TBC1D5: variants seen among roughly 807,000 people sequenced by gnomAD.
TBC1D5 encodes the protein TBC1 domain family member 5, also known as TBC1 domain family, member 5.
In TBC1D5, 75 loss-of-function variants were observed where a neutral mutation model predicts 100.3. The ratio of observed to expected loss-of-function variants is 0.75; its 90% CI spans 0.62 to 0.91. The LOEUF (loss-of-function observed/expected upper bound fraction) is 0.91, where lower values mean the gene tolerates loss of function less well. Among genes scored for constraint, TBC1D5 ranks in the 40% least tolerant of loss-of-function variants. The pLI, the probability that TBC1D5 is intolerant of heterozygous loss-of-function variation, is 0.00. For synonymous variants in TBC1D5, 323 were observed against 325.6 expected, an observed-to-expected ratio of 0.99 and a Z score of 0.09; for missense variants, 910 against 942.4, an observed-to-expected ratio of 0.97 and a Z score of 0.45.
intron 1 of TBC1D5, among the ~76,000 whole-genome samples, chr3:17,626,263 A>G (rs972385160): frequency 2.6e-5 from 4 of 152,234 alleles, no homozygotes; most frequent in South Asian, 4.1e-4. Flanking sequence ...TAGGTAATTA[A>G]GAAATTAGCT....
At chr3:17,582,794 AC>A (rs1357442674) in intron 2 of TBC1D5, among the ~76,000 whole-genome samples, 4 of 151,882 alleles carry the variant, frequency 2.6e-5, no homozygotes, top group Non-Finnish European at 4.4e-5. Flanking sequence ...GCAAAAAAAA[AC>A]AAAAACAAAA....
chr3:17,447,058 G>A (rs1428463271), intron 3 of TBC1D5, among the ~76,000 whole-genome samples: 1 of 152,050 alleles, frequency 6.6e-6, no homozygotes, highest in African/African-American at 2.4e-5. Context: ...AGGATTTTGA[G>A]AAGGAGGAAG....
chr3:17,171,217 C>T (rs1440939569), intron 19 of TBC1D5, among the ~76,000 whole-genome samples: 1 of 151,960 alleles, frequency 6.6e-6, no homozygotes, highest in Non-Finnish European at 1.5e-5. Context: ...AAGGAGGCAC[C>T]TAGAGCACGC....
intron 19 of TBC1D5, among the ~76,000 whole-genome samples, chr3:17,176,686 A>G (rs1054018221): frequency 2.6e-5 from 4 of 152,118 alleles, no homozygotes; most frequent in Non-Finnish European, 5.9e-5. Context: ...GTATTAGGAA[A>G]AATACCTAAT....
At chr3:17,689,818 A>T (rs1377905081) in intron 1 of TBC1D5, among the ~76,000 whole-genome samples, 1 of 152,180 alleles carries the variant, frequency 6.6e-6, no homozygotes, top group Non-Finnish European at 1.5e-5. Context: ...TCTGGTGAGT[A>T]GTGGCCAGGG....
rs546251672 is a variant in TBC1D5 at position 17,213,583 on chromosome 3, T to C, written c.1752+624A>G. ...GAGTTCCAGAGCAGCCTGGCCAATA[T>C]GGCAAAACCCCATCTCTAATAAAAA... is the stretch of plus-strand genomic sequence containing the variant. On this transcript the variant is annotated intron_variant, in intron 18 of 21. Transcript: ENST00000253692. Among the ~76,000 whole-genome samples, 4 of 152,034 alleles carry C rather than the reference T, an allele frequency of 2.6e-5. No individual in the cohort carries two copies. In the East Asian group the frequency reaches 7.8e-4, roughly 29 times the overall value.
At chr3:17,467,895 C>G (rs1047120746) in intron 3 of TBC1D5, among the ~76,000 whole-genome samples, 1 of 152,084 alleles carries the variant, frequency 6.6e-6, no homozygotes, top group South Asian at 2.1e-4. Context: ...TCCCTAGTTA[C>G]CATGACAACT....
chr3:17,417,107 G>C (rs186203280), intron 4 of TBC1D5, among the ~76,000 whole-genome samples: 52 of 152,264 alleles, frequency 3.4e-4, no homozygotes, highest in African/African-American at 1.3e-3. Flanking sequence ...CAAAATACAT[G>C]AGAAGTTTGT....
At chr3:17,732,314 T>A (rs916045309) in intron 1 of TBC1D5, among the ~76,000 whole-genome samples, 1 of 151,362 alleles carries the variant, frequency 6.6e-6, no homozygotes, top group Non-Finnish European at 1.5e-5. Context: ...CGAGACTCCA[T>A]CTCAAAAAAC....
intron 2 of TBC1D5, among the ~76,000 whole-genome samples, chr3:17,591,234 A>AG (rs2096766965): frequency 1.8e-5 from 1 of 56,444 alleles, no homozygotes; most frequent in East Asian, 5.0e-4. Flanking sequence ...AGGATCTGTC[A>AG]AAAAAAAAAA....
chr3:17,354,602 G>A (rs767000078), intron 13 of TBC1D5, among the ~76,000 whole-genome samples: 1 of 151,904 alleles, frequency 6.6e-6, no homozygotes, highest in Non-Finnish European at 1.5e-5. Context: ...TGTATTAATG[G>A]ATTATTGAGT....
intron 2 of TBC1D5, among the ~76,000 whole-genome samples, chr3:17,566,962 C>T (rs972004137): frequency 6.6e-6 from 1 of 151,734 alleles, no homozygotes; most frequent in Admixed American, 6.6e-5. Flanking sequence ...CTTTGATATA[C>T]ATAACTAAAT....
chr3:17,177,591 T>C (rs1351166513), intron 19 of TBC1D5, among the ~76,000 whole-genome samples: 4 of 152,216 alleles, frequency 2.6e-5, no homozygotes, highest in Non-Finnish European at 5.9e-5. Context: ...CATGTCTAAA[T>C]AATTTAAGTT....
chr3:17,616,904 G>A (rs1460176749), intron 2 of TBC1D5, among the ~76,000 whole-genome samples: 1 of 152,100 alleles, frequency 6.6e-6, no homozygotes, highest in African/African-American at 2.4e-5. Flanking sequence ...GGTTAATATT[G>A]TTATGTGTGA....
intron 1 of TBC1D5, among the ~76,000 whole-genome samples, chr3:17,684,299 A>G (rs925225923): frequency 2.0e-5 from 3 of 152,092 alleles, no homozygotes; most frequent in African/African-American, 7.2e-5. Flanking sequence ...TTCCAATTAA[A>G]TATTCATATA....
chr3:17,291,791 T>G (rs2081770230), intron 15 of TBC1D5, 104 bp downstream of exon 15: 5 of 1,050,370 alleles, frequency 4.8e-6, no homozygotes, highest in Non-Finnish European at 6.9e-6. Flanking sequence ...AGGCAATTCA[T>G]CTACCATTAG....
intron 1 of TBC1D5, among the ~76,000 whole-genome samples, chr3:17,677,770 A>G (rs1326092919): frequency 1.2e-4 from 18 of 152,190 alleles, no homozygotes; most frequent in African/African-American, 2.9e-4. Flanking sequence ...TGACAGACTG[A>G]ATTAAGAAAA....
At chr3:17,648,178 A>AC (rs2065185282) in intron 1 of TBC1D5, among the ~76,000 whole-genome samples, 2 of 152,298 alleles carry the variant, frequency 1.3e-5, no homozygotes, top group African/African-American at 4.8e-5. Flanking sequence ...ATAGGGCCGC[A>AC]CATCTATGAC....
chr3:17,640,570 T>C (rs1023097446), intron 1 of TBC1D5, among the ~76,000 whole-genome samples: 2 of 151,948 alleles, frequency 1.3e-5, no homozygotes, highest in Non-Finnish European at 1.5e-5. Flanking sequence ...AAAGAAAACA[T>C]AATGTCTAAG....
Sources: gnomAD v4.1 joint callset for allele counts (sites outside exome capture counted in the v4.1 genomes callset) on GRCh38, gnomAD v4.1.1 for gene constraint, MANE v1.5 for transcripts, NCBI Gene and HGNC (gene_info 2026-07-23, HGNC 2026-07-21) for gene names.